Variants in CLSTN2 observed in about 807,000 individuals in gnomAD.
CLSTN2 encodes calsyntenin 2, also known as calsyntenin-2.
In CLSTN2, 48 loss-of-function variants were observed where a neutral mutation model predicts 101.2. The ratio of observed to expected loss-of-function variants is 0.47; its 90% CI spans 0.38 to 0.60. CLSTN2 has a LOEUF of 0.60. Ranked by LOEUF, CLSTN2 falls within the 20% of genes least tolerant of loss-of-function variation. The probability of loss-of-function intolerance (pLI) is 0.00; values close to 1 mark genes in which losing one functional copy is unlikely to be tolerated. For missense variants in CLSTN2, 1,160 were observed against 1,238.2 expected (o/e 0.94, Z 0.95); for synonymous variants, 481 against 463.6 (o/e 1.04, Z -0.48).
chr3:140,529,283 C>A (rs778222910), intron 8 of CLSTN2, among the ~76,000 whole-genome samples: 1 of 152,214 alleles, frequency 6.6e-6, no homozygotes, highest in Non-Finnish European at 1.5e-5. Flanking sequence ...TATGCTGCAG[C>A]TGCCTGCCGT....
chr3:139,990,112 T>C (rs1369925024), intron 1 of CLSTN2, among the ~76,000 whole-genome samples: 3 of 152,242 alleles, frequency 2.0e-5, no homozygotes, highest in Non-Finnish European at 4.4e-5. Flanking sequence ...TTGGTAATGA[T>C]TGTGCTGTTA....
chr3:140,310,850 A>G (rs932027141), intron 2 of CLSTN2, among the ~76,000 whole-genome samples: 1 of 152,220 alleles, frequency 6.6e-6, no homozygotes, highest in Non-Finnish European at 1.5e-5. Context: ...AATTTAAAAA[A>G]TTTATGTATT....
At chr3:140,329,810 A>G (rs994380940) in intron 2 of CLSTN2, among the ~76,000 whole-genome samples, 1 of 152,202 alleles carries the variant, frequency 6.6e-6, no homozygotes, top group African/African-American at 2.4e-5. Context: ...TTCATTTCTA[A>G]TGGATGCTGA....
intron 1 of CLSTN2, among the ~76,000 whole-genome samples, chr3:140,157,060 G>A (rs999132359): frequency 6.6e-6 from 1 of 152,186 alleles, no homozygotes; most frequent in African/African-American, 2.4e-5. Context: ...ACAGTGTGAA[G>A]TAGATTGACT....
At chr3:140,072,398 GTTC>G (rs770842195) in intron 1 of CLSTN2, among the ~76,000 whole-genome samples, 46 of 152,234 alleles carry the variant, frequency 3.0e-4, no homozygotes, top group Admixed American at 7.8e-4. Flanking sequence ...TAGCCTTATA[GTTC>G]TTCTATAAAT....
chr3:139,942,189 T>G (rs555144866), intron 1 of CLSTN2, among the ~76,000 whole-genome samples: 81 of 152,336 alleles, frequency 5.3e-4, no homozygotes, highest in South Asian at 1.2e-3. Context: ...GCTTGGATTT[T>G]ACTTCAAAAT....
chr3:139,954,964 G>T (rs140234712), intron 1 of CLSTN2, among the ~76,000 whole-genome samples: 1 of 151,648 alleles, frequency 6.6e-6, no homozygotes, highest in Non-Finnish European at 1.5e-5. Flanking sequence ...AAATGGATGG[G>T]ATTTAGTATC....
intron 4 of CLSTN2, among the ~76,000 whole-genome samples, chr3:140,411,294 T>C (rs2107983755): frequency 6.6e-6 from 1 of 152,272 alleles, no homozygotes; most frequent in Non-Finnish European, 1.5e-5. Context: ...TCAAACAAAA[T>C]AGGCTTTAAG....
chr3:139,973,279 C>G (rs1008527450), intron 1 of CLSTN2, among the ~76,000 whole-genome samples: 3 of 152,214 alleles, frequency 2.0e-5, no homozygotes, highest in Non-Finnish European at 2.9e-5. Context: ...TCAAGGGAAG[C>G]ATAATGTGGC....
At chr3:140,063,433 T>C (rs2008243023) in intron 1 of CLSTN2, among the ~76,000 whole-genome samples, 1 of 152,148 alleles carries the variant, frequency 6.6e-6, no homozygotes, top group African/African-American at 2.4e-5. Flanking sequence ...GTAAAGCTCC[T>C]GCTTTCTTCA....
At chr3:140,399,883 T>A (rs2107976078) in intron 2 of CLSTN2, among the ~76,000 whole-genome samples, 1 of 152,142 alleles carries the variant, frequency 6.6e-6, no homozygotes, top group African/African-American at 2.4e-5. Flanking sequence ...CCCCTGTTTG[T>A]ATTCCCCAGT....
At chr3:140,505,035 A>AAACTT (rs769171946) in intron 8 of CLSTN2, among the ~76,000 whole-genome samples, 6 of 152,060 alleles carry the variant, frequency 3.9e-5, no homozygotes, top group Non-Finnish European at 7.4e-5. Context: ...AAATTCCCCC[A>AAACTT]AACTTAACAG....
chr3:140,404,409 G>A (rs562972408), intron 3 of CLSTN2, 149 bp from the exon 4 acceptor site: 5 of 681,340 alleles, frequency 7.3e-6, no homozygotes, highest in African/African-American at 1.8e-5. Flanking sequence ...GTGAGAGGGA[G>A]GATGGGACAC....
intron 2 of CLSTN2, among the ~76,000 whole-genome samples, chr3:140,186,976 G>T (rs2010493795): frequency 6.6e-6 from 1 of 151,802 alleles, no homozygotes; most frequent in Admixed American, 6.5e-5. Context: ...TGAGCAAATG[G>T]CTTTTTTTCT....
At chr3:140,372,786 G>A (rs749067357) in intron 2 of CLSTN2, among the ~76,000 whole-genome samples, 5 of 152,194 alleles carry the variant, frequency 3.3e-5, no homozygotes, top group African/African-American at 4.8e-5. Context: ...AATTCACAGT[G>A]CAAATGAGTA....
At chr3:140,455,534 C>T (rs1012437000) in intron 6 of CLSTN2, among the ~76,000 whole-genome samples, 1 of 152,144 alleles carries the variant, frequency 6.6e-6, no homozygotes, top group African/African-American at 2.4e-5. Flanking sequence ...GGCCCAGGGA[C>T]GTCAAATCAG....
At chr3:140,216,513 C>A (rs1460205713) in intron 2 of CLSTN2, among the ~76,000 whole-genome samples, 1 of 152,158 alleles carries the variant, frequency 6.6e-6, no homozygotes, top group Non-Finnish European at 1.5e-5. Flanking sequence ...CCCCTTTAAG[C>A]TTTTCCACGT....
chr3:140,063,372 AG>A (rs985205382), intron 1 of CLSTN2, among the ~76,000 whole-genome samples: 1 of 152,178 alleles, frequency 6.6e-6, no homozygotes, highest in African/African-American at 2.4e-5. Flanking sequence ...CTTTTGCAAG[AG>A]GTAGGCTGCC....
intron 2 of CLSTN2, among the ~76,000 whole-genome samples, chr3:140,276,948 G>T (rs541498814): frequency 3.3e-5 from 5 of 152,134 alleles, no homozygotes; most frequent in Admixed American, 6.5e-5. Context: ...GAGGTAAGAA[G>T]CCATCAGCAT....
Sources: allele counts gnomAD v4.1 joint callset (sites outside exome capture counted in the v4.1 genomes callset), GRCh38; gene constraint gnomAD v4.1.1; transcripts MANE v1.5; gene names NCBI Gene and HGNC (gene_info 2026-07-23, HGNC 2026-07-21).